MYO7A: variants seen among roughly 807,000 people sequenced by gnomAD.
MYO7A encodes myosin VIIA.
In MYO7A, 210 loss-of-function variants were observed where a neutral mutation model predicts 263.8. That is an observed-to-expected ratio of 0.80 (90% CI 0.71 to 0.89). The LOEUF (loss-of-function observed/expected upper bound fraction) is 0.89. MYO7A is among the 40% of genes least tolerant of loss of function. The probability of loss-of-function intolerance (pLI) is 0.00; values close to 1 mark genes in which losing one functional copy is unlikely to be tolerated. For synonymous variants in MYO7A, 1,239 were observed against 1,197.3 expected, an observed-to-expected ratio of 1.03 and a Z score of -0.72; for missense variants, 2,820 against 2,968.3, an observed-to-expected ratio of 0.95 and a Z score of 1.16.
intron 15 of MYO7A, among the ~76,000 whole-genome samples, chr11:77,169,604 C>T (rs1953893529): frequency 6.6e-6 from 1 of 152,202 alleles, no homozygotes; most frequent in Admixed American, 6.5e-5. Flanking sequence ...CCAGGAAGGA[C>T]AGCCTTTCCC....
chr11:77,204,192 G>A lies in MYO7A; in HGVS notation c.5443G>A (p.Val1815Met), dbSNP rs1452827318. 4.4e-6 allele frequency: 7 copies of A among 1,583,978 alleles called. No homozygotes were observed. In the Admixed American group the frequency reaches 1.1e-4, roughly 24 times the overall value. Residue 1815 changes from valine (V) to methionine (M), a missense_variant, in exon 39 of 49, where the codon GTG (valine) becomes ATG (methionine). Physicochemically the swap from Val to Met is conservative, Grantham distance 21. Coordinates refer to ENST00000409709, the MANE Select transcript of MYO7A (RefSeq NM_000260.4). ...KAEPLKDEAY[V>M]QILKQLTDNH... ...CGAGCCCCTGAAGGACGAGGCATAT[G>A]TGCAGATCCTGAAGCAGCTGACCGA... is the stretch of plus-strand genomic sequence containing the variant.
intron 31 of MYO7A, among the ~76,000 whole-genome samples, chr11:77,193,079 GTTGT>G (rs1261551773): frequency 5.2e-5 from 3 of 57,358 alleles, no homozygotes; most frequent in Non-Finnish European, 1.2e-4. Flanking sequence ...GGTGGAGGTA[GTTGT>G]TTGTGATGGT....
rs766907454 is a variant in MYO7A, at chr11:77,199,737, C to G, written c.4771C>G (p.Arg1591Gly). 9.3e-6 allele frequency: 15 copies of G among 1,613,390 alleles called. No individual in the cohort carries two copies. The South Asian group carries it at 1.3e-4, about 14-fold the overall frequency. The change falls in exon 35 of 49, where the codon CGT (arginine) becomes GGT (glycine). Residue 1591 changes from arginine to glycine, a missense_variant. By Grantham distance (125) the Arg-to-Gly change is moderately radical. Transcript: ENST00000409709. ...TFTSSNAEDI[R>G]DLVVTFLEGL... is the part of the protein sequence containing the mutation. ...CACCTCCAGCAATGCTGAGGACATT[C>G]GTGACCTGGTGGTCACCTTCCTAGA...
Position 77,197,526 on chromosome 11 carries a change from G to A in MYO7A, c.4369G>A (p.Asp1457Asn), listed in dbSNP as rs1323548285. The A allele has an allele frequency of 6.2e-7, 1 of 1,608,342 alleles. No individual in the cohort carries two copies. Residue 1457 changes from aspartate (D) to asparagine (N), a missense_variant, in exon 33 of 49, where the codon GAT becomes AAT. By Grantham distance (23) the Asp-to-Asn change is conservative. Transcript: ENST00000409709. ...RRTDAQKVKE[D>N]VVSYARFKWP... ...AACTGATGCCCAGAAGGTCAAAGAG[G>A]ATGTGGTCAGTTATGCCCGCTTCAA...
chr11:77,140,235 C>T (rs1555049781), intron 2 of MYO7A, among the ~76,000 whole-genome samples: 1 of 152,214 alleles, frequency 6.6e-6, no homozygotes, highest in Non-Finnish European at 1.5e-5. Flanking sequence ...GAGACCCCTG[C>T]CTTCCAGCTG....
At chr11:77,151,561 G>T (rs1402596992) in intron 4 of MYO7A, among the ~76,000 whole-genome samples, 2 of 152,104 alleles carry the variant, frequency 1.3e-5, no homozygotes, top group African/African-American at 4.8e-5. Flanking sequence ...GCTCCGCCTG[G>T]GGACCCCTAG....
At chr11:77,140,646 A>T (rs1951156669) in intron 2 of MYO7A, among the ~76,000 whole-genome samples, 2 of 152,132 alleles carry the variant, frequency 1.3e-5, no homozygotes, top group Admixed American at 1.3e-4. Flanking sequence ...AGGGGAGCAG[A>T]CCCTGTGTGG....
chr11:77,146,028 G>A (rs1033594268), intron 3 of MYO7A, among the ~76,000 whole-genome samples: 12 of 152,342 alleles, frequency 7.9e-5, no homozygotes, highest in South Asian at 2.1e-4. Flanking sequence ...GTGAGGCACC[G>A]TGGCCTGAGA....
chr11:77,178,989 C>G, intron 19 of MYO7A, 56 bp from the exon 20 acceptor site: 1 of 1,464,606 alleles, frequency 6.8e-7, no homozygotes, highest in African/African-American at 1.4e-5. Context: ...CCCAAACCCA[C>G]CTGTACCCTG....
At chr11:77,183,969 G>A (rs1555086642) in intron 26 of MYO7A, among the ~76,000 whole-genome samples, 1 of 152,212 alleles carries the variant, frequency 6.6e-6, no homozygotes, top group African/African-American at 2.4e-5. Flanking sequence ...CTGGGAAGAA[G>A]GCAGAAATGG....
chr11:77,203,960 C>G, intron 38 of MYO7A, 116 bp from the exon 39 acceptor site: 1 of 1,193,428 alleles, frequency 8.4e-7, no homozygotes, highest in African/African-American at 1.5e-5. Flanking sequence ...GAGTGTGCAG[C>G]CTGAGGGCCC....
At position 77,138,286 on chromosome 11, in the gene MYO7A, T is replaced by TGTCGCCGTCGCCGTCGCAGC. The variant is rs1565300143; in HGVS notation, c.19-4422_19-4421insTCGCCGTCGCCGTCGCAGCG. 2.6e-5 allele frequency among the ~76,000 whole-genome samples: 4 copies of TGTCGCCGTCGCCGTCGCAGC among 151,522 alleles called. No homozygotes were observed. Among genetic ancestry groups the TGTCGCCGTCGCCGTCGCAGC allele is most frequent in the African/African-American group, 9.7e-5 (4 of 41,288 alleles). ...TAGGTGAATTAGGGAGCCGGAGCAG[T>TGTCGCCGTCGCCGTCGCAGC]GCCGCCGTCGCCGTCGCAGCGCCAT... On this transcript the variant is annotated intron_variant, in intron 2 of 48. Transcript: ENST00000409709. The surrounding 1 kb of genome is among the most constrained non-coding windows in gnomAD (Gnocchi z 4.9).
chr11:77,186,519 C>T lies in MYO7A; in HGVS notation c.3503+1804C>T, dbSNP rs139920467. 8.1e-4 allele frequency among the ~76,000 whole-genome samples: 123 copies of T among 152,332 alleles called. 1 individual carries two copies. Among genetic ancestry groups the T allele is most frequent in the African/African-American group, 2.8e-3 (115 of 41,578 alleles). On this transcript the variant is annotated intron_variant, in intron 27 of 48. Coordinates refer to ENST00000409709, the MANE Select transcript of MYO7A (RefSeq NM_000260.4). Reference sequence around the variant, plus strand: ...TTCTCCACCAGCACTTGTTGCTTCACCTTGCACTTTTATATTTTGGAGACA... The same window carrying T: ...TTCTCCACCAGCACTTGTTGCTTCATCTTGCACTTTTATATTTTGGAGACA...
Position 77,211,810 on chromosome 11 carries a change from T to C in MYO7A, c.6238-11T>C, listed in dbSNP as rs1459083705. On this transcript the variant is annotated splice_polypyrimidine_tract_variant and intron_variant, in intron 45 of 48. Transcript: ENST00000409709. The stretch of plus-strand genomic sequence containing the variant: ...GGACTGAGCCCAGCCCTGACCGCCC[T>C]GTCCCCATAGTCCATCGTCGCCTAC... 2 of 1,611,248 alleles carry C rather than the reference T, an allele frequency of 1.2e-6. No individual in the cohort carries two copies. The highest frequency in any genetic ancestry group is 1.7e-6 in the Non-Finnish European group (2 of 1,177,554).
chr11:77,149,467 G>A (rs1951817783), intron 4 of MYO7A, among the ~76,000 whole-genome samples: 1 of 152,210 alleles, frequency 6.6e-6, no homozygotes, highest in South Asian at 2.1e-4. Context: ...CAAGCGATCG[G>A]CAGGCAGTGT....
At chr11:77,174,565 C>T (rs11237105) in intron 16 of MYO7A, among the ~76,000 whole-genome samples, 191 bp from the exon 17 acceptor site, 1,976 of 152,346 alleles carry the variant, frequency 0.013, 20 homozygotes, top group Non-Finnish European at 0.019. Context: ...CACAGCTCCA[C>T]CACGACAGGC....
chr11:77,207,309 CACCAAG>C lies in MYO7A; in HGVS notation c.5764_5769del (p.Thr1922_Lys1923del). The C allele has an allele frequency of 6.2e-7, 1 of 1,611,882 alleles. No homozygotes were observed. The highest frequency in any genetic ancestry group is 8.5e-7 in the Non-Finnish European group (1 of 1,179,018). ...CCCAGGCCTTCGAAGTGGAGTCCAGCACCAAGGCCAAGGACTTCTGCCAGAACATCG... is the reference window on the plus strand; with the variant it reads ...CCCAGGCCTTCGAAGTGGAGTCCAGCGCCAAGGACTTCTGCCAGAACATCG... On this transcript the variant is annotated inframe_deletion, in exon 42 of 49. Coordinates refer to ENST00000409709, the MANE Select transcript of MYO7A (RefSeq NM_000260.4).
At chr11:77,166,194 A>G in intron 15 of MYO7A, 32 bp downstream of exon 15, 1 of 1,595,372 alleles carries the variant, frequency 6.3e-7, no homozygotes, top group East Asian at 2.2e-5. Context: ...TTGTTCGGGA[A>G]GGGCCCCCAC....
intron 22 of MYO7A, 109 bp from the exon 23 acceptor site, chr11:77,181,271 G>C: frequency 7.2e-6 from 7 of 968,730 alleles, no homozygotes; most frequent in Non-Finnish European, 1.0e-5. Context: ...GTCAGGAGGT[G>C]GGGACTGAGG....
Sources: gnomAD v4.1 joint callset for allele counts (sites outside exome capture counted in the v4.1 genomes callset) on GRCh38, gnomAD v4.1.1 for gene constraint, Gnocchi (gnomAD v3.1) non-coding constraint, MANE v1.5 for transcripts, NCBI Gene and HGNC (gene_info 2026-07-23, HGNC 2026-07-21) for gene names.